The following ZBTB7C variants were observed in gnomAD, a reference collection of about 807,000 sequenced individuals.
ZBTB7C encodes zinc finger and BTB domain containing 7C, also known as zinc finger and BTB domain-containing protein 7C.
A neutral mutation model predicts 25.7 loss-of-function variants in ZBTB7C; 8 were observed. The ratio of observed to expected loss-of-function variants is 0.31; its 90% CI spans 0.18 to 0.56. The LOEUF is 0.56. ZBTB7C is among the 20% of genes least tolerant of loss of function. The probability of loss-of-function intolerance (pLI) is 0.91; values close to 1 mark genes in which losing one functional copy is unlikely to be tolerated. For missense variants in ZBTB7C, 824 were observed against 855.2 expected, an observed-to-expected ratio of 0.96 and a Z score of 0.46; for synonymous variants, 394 against 369.0, an observed-to-expected ratio of 1.07 and a Z score of -0.78.
At chr18:48,406,650 CT>C (rs1213070998) in intron 1 of ZBTB7C, among the ~76,000 whole-genome samples, 1 of 152,226 alleles carries the variant, frequency 6.6e-6, no homozygotes, top group Non-Finnish European at 1.5e-5. Flanking sequence ...TGATTTCTAT[CT>C]GTTCATGAAA....
intron 3 of ZBTB7C, among the ~76,000 whole-genome samples, chr18:48,138,422 G>A (rs562569258): frequency 1.3e-5 from 2 of 152,338 alleles, no homozygotes; most frequent in African/African-American, 4.8e-5. Flanking sequence ...AGGCAGGAAA[G>A]GTCGGGTCTC....
chr18:48,097,382 GTTATTATTA>G (rs1555691088), intron 3 of ZBTB7C, among the ~76,000 whole-genome samples: 71 of 144,948 alleles, frequency 4.9e-4, no homozygotes, highest in Non-Finnish European at 6.3e-4. Flanking sequence ...TATTGTTGTT[GTTATTATTA>G]TTATTATTAT....
chr18:48,165,814 CAT>C (rs1439725703), intron 3 of ZBTB7C, among the ~76,000 whole-genome samples: 1 of 152,218 alleles, frequency 6.6e-6, no homozygotes, highest in East Asian at 1.9e-4. Context: ...GACCAGCACA[CAT>C]ATTCTCGCCA....
chr18:48,359,716 G>A (rs766773549), intron 1 of ZBTB7C, among the ~76,000 whole-genome samples: 2 of 152,210 alleles, frequency 1.3e-5, no homozygotes, highest in Admixed American at 6.5e-5. Context: ...AAAGAGAGAA[G>A]AGTGAGAGAG....
intron 3 of ZBTB7C, among the ~76,000 whole-genome samples, chr18:48,054,101 C>T (rs2036814180): frequency 6.6e-6 from 1 of 152,194 alleles, no homozygotes; most frequent in South Asian, 2.1e-4. Flanking sequence ...GAGCAGGGAA[C>T]ACTGCAGCCC....
intron 1 of ZBTB7C, among the ~76,000 whole-genome samples, chr18:48,369,870 CCAA>C (rs934361284): frequency 1.3e-5 from 2 of 152,168 alleles, no homozygotes; most frequent in African/African-American, 2.4e-5. Context: ...ACAGAATAAC[CCAA>C]CAACACCATC....
At chr18:48,082,559 G>T (rs1048149823) in intron 3 of ZBTB7C, among the ~76,000 whole-genome samples, 1 of 152,144 alleles carries the variant, frequency 6.6e-6, no homozygotes, top group Admixed American at 6.5e-5. Flanking sequence ...ATGTTTGCTT[G>T]TGTCGAGGCA....
chr18:48,408,508 G>C (rs2048333686), intron 1 of ZBTB7C: 1 of 152,176 alleles, frequency 6.6e-6, no homozygotes, highest in Non-Finnish European at 1.5e-5. Flanking sequence ...CCAGCTTCCC[G>C]ACTTGACAGC....
At chr18:48,030,010 C>T (rs2035677815) in intron 4 of ZBTB7C, 99 bp from the exon 5 acceptor site, 3 of 1,521,848 alleles carry the variant, frequency 2.0e-6, no homozygotes, top group Non-Finnish European at 2.7e-6. Context: ...AGGCTCCCTA[C>T]TGCCATGGAG....
intron 2 of ZBTB7C, among the ~76,000 whole-genome samples, chr18:48,223,040 C>T (rs2043000111): frequency 6.6e-6 from 1 of 152,228 alleles, no homozygotes; most frequent in Non-Finnish European, 1.5e-5. Context: ...CTAACAAACA[C>T]ACCAATAAAT....
At chr18:48,288,041 A>G (rs2045109451) in intron 2 of ZBTB7C, among the ~76,000 whole-genome samples, 1 of 152,242 alleles carries the variant, frequency 6.6e-6, no homozygotes, top group Admixed American at 6.5e-5. Context: ...TCTGTAATGG[A>G]TATCCTTAGC....
chr18:48,397,219 G>A (rs1005202908), intron 1 of ZBTB7C, among the ~76,000 whole-genome samples: 2 of 152,180 alleles, frequency 1.3e-5, no homozygotes, highest in African/African-American at 4.8e-5. Context: ...AACTGCACAG[G>A]GCGGGAACCA....
intron 3 of ZBTB7C, among the ~76,000 whole-genome samples, chr18:48,117,946 T>C (rs1158150387): frequency 1.3e-5 from 2 of 152,100 alleles, no homozygotes; most frequent in Non-Finnish European, 2.9e-5. Flanking sequence ...ATCTTGGAGC[T>C]TTTAACTTCA....
chr18:48,031,999 G>A (rs987718062), intron 4 of ZBTB7C, among the ~76,000 whole-genome samples: 2 of 152,174 alleles, frequency 1.3e-5, no homozygotes, highest in South Asian at 4.2e-4. Flanking sequence ...CTAGGTGGTC[G>A]GCTGGGCTCC....
intron 3 of ZBTB7C, among the ~76,000 whole-genome samples, chr18:48,056,779 A>C (rs550549772): frequency 6.6e-6 from 1 of 152,232 alleles, no homozygotes; most frequent in Non-Finnish European, 1.5e-5. Context: ...AGTTAAAAAA[A>C]GTAAATAAAA....
In ZBTB7C at chr18:48,040,057, G is replaced by A. The variant is rs1159081813; in HGVS notation, c.1051C>T (p.Pro351Ser). ...THLGGLFPPWPLVEERKLKPK... is the reference protein window; with the variant it reads ...THLGGLFPPWSLVEERKLKPK... ...TTCAGCTTGCGCTCTTCTACCAGGG[G>A]CCAGGGTGGGAAGAGGCCTCCCAGG... Residue 351 changes from proline (P) to serine (S), a missense_variant, in exon 4 of 5, where the codon CCC (proline) becomes TCC (serine). Physicochemically the swap from Pro to Ser is moderately conservative, Grantham distance 74 (BLOSUM62 -1). Coordinates refer to ENST00000590800, the MANE Select transcript of ZBTB7C (RefSeq NM_001318841.2). 4 of 1,613,832 alleles carry A rather than the reference G, an allele frequency of 2.5e-6. No homozygotes were observed. Among genetic ancestry groups the A allele is most frequent in the Admixed American group, 1.7e-5 (1 of 59,996 alleles).
At chr18:48,081,421 C>T (rs147275705) in intron 3 of ZBTB7C, among the ~76,000 whole-genome samples, 29 of 152,018 alleles carry the variant, frequency 1.9e-4, no homozygotes, top group African/African-American at 6.5e-4. Flanking sequence ...TGGTTTTGCT[C>T]ATTCTAAATG....
At chr18:48,215,423 G>A (rs552532101) in intron 2 of ZBTB7C, among the ~76,000 whole-genome samples, 15 of 152,288 alleles carry the variant, frequency 9.8e-5, no homozygotes, top group Middle Eastern at 6.8e-3. Context: ...GTGTTTTAGC[G>A]AGTCATAAGA....
intron 2 of ZBTB7C, among the ~76,000 whole-genome samples, chr18:48,312,509 C>A (rs2045844764): frequency 6.6e-6 from 1 of 152,222 alleles, no homozygotes; most frequent in African/African-American, 2.4e-5. Flanking sequence ...GCAATGTTCA[C>A]CAGCATGACT....
Sources: gnomAD v4.1 joint callset for allele counts (sites outside exome capture counted in the v4.1 genomes callset) on GRCh38, gnomAD v4.1.1 for gene constraint, MANE v1.5 for transcripts, NCBI Gene and HGNC (gene_info 2026-07-23, HGNC 2026-07-21) for gene names.